Variants in SIL1 observed in about 807,000 individuals in gnomAD.
SIL1 encodes SIL1 nucleotide exchange factor.
A neutral mutation model predicts 49.1 loss-of-function variants in SIL1; 40 were observed. The observed-to-expected ratio is 0.81, with a 90% CI of 0.63 to 1.06. The LOEUF (loss-of-function observed/expected upper bound fraction) is 1.06, where lower values mean the gene tolerates loss of function less well. Among genes scored for constraint, SIL1 ranks in the 50% least tolerant of loss-of-function variants. The pLI, the probability that SIL1 is intolerant of heterozygous loss-of-function variation, is 0.00. For synonymous variants in SIL1, 253 were observed against 250.8 expected (o/e 1.01, Z -0.08); for missense variants, 500 against 572.6 (o/e 0.87, Z 1.29).
intron 4 of SIL1, among the ~76,000 whole-genome samples, chr5:139,046,388 AC>A (rs1389667378): frequency 2.6e-5 from 4 of 152,166 alleles, no homozygotes; most frequent in African/African-American, 9.7e-5. Flanking sequence ...TGAAGAACAT[AC>A]AAAATCTTCC....
At chr5:139,086,686 C>T (rs908765106) in intron 3 of SIL1, among the ~76,000 whole-genome samples, 31 of 151,036 alleles carry the variant, frequency 2.1e-4, no homozygotes, top group African/African-American at 5.6e-4. Context: ...AATTATTGGC[C>T]GGGCATGGTG....
intron 1 of SIL1, among the ~76,000 whole-genome samples, chr5:139,153,722 T>A (rs2151807088): frequency 6.6e-6 from 1 of 152,324 alleles, no homozygotes; most frequent in Non-Finnish European, 1.5e-5. Flanking sequence ...CAAAGGTGAC[T>A]ATGCTCCCCC....
rs1163442993 is a variant in SIL1 at position 139,042,719 on chromosome 5, C to T, written c.354G>A (p.Arg118=). 2 of 1,613,888 alleles carry T rather than the reference C, an allele frequency of 1.2e-6. No homozygotes were observed. Among genetic ancestry groups the T allele is most frequent in the South Asian group, 2.2e-5 (2 of 91,058 alleles). ...DKFRNNLKGK[R]LDINTNTYTS... ...TGTAGGTGTTGGTGTTGATATCCAG[C>T]CTGTCCAAAGAAAACTGAGAGTAAA... The change falls in exon 5 of 10, where the codon AGG becomes AGA. Residue 118 remains arginine, a splice_region_variant and synonymous_variant. Transcript: ENST00000394817.
At chr5:139,188,686 G>T (rs1752117223) in intron 1 of SIL1, among the ~76,000 whole-genome samples, 1 of 152,232 alleles carries the variant, frequency 6.6e-6, no homozygotes, top group African/African-American at 2.4e-5. Context: ...CAAATCAGAG[G>T]AAAGCAGTGA....
intron 7 of SIL1, among the ~76,000 whole-genome samples, chr5:138,965,854 T>C (rs1335615408): frequency 6.6e-6 from 1 of 151,678 alleles, no homozygotes; most frequent in African/African-American, 2.4e-5. Context: ...TCCGGGACCA[T>C]GAGAGTGCTT....
intron 3 of SIL1, among the ~76,000 whole-genome samples, chr5:139,117,715 A>G (rs1283436769): frequency 1.3e-5 from 2 of 152,182 alleles, no homozygotes; most frequent in African/African-American, 4.8e-5. Flanking sequence ...ATAAACCAGA[A>G]GAAAGAGACA....
At chr5:138,986,538 G>A (rs1767652736) in intron 7 of SIL1, among the ~76,000 whole-genome samples, 1 of 152,112 alleles carries the variant, frequency 6.6e-6, no homozygotes, top group African/African-American at 2.4e-5. Flanking sequence ...ATAAATCTGG[G>A]TTATTGTGAC....
At chr5:138,975,394 G>A (rs566990139) in intron 7 of SIL1, among the ~76,000 whole-genome samples, 26 of 152,314 alleles carry the variant, frequency 1.7e-4, no homozygotes, top group Admixed American at 3.9e-4. Flanking sequence ...GCACCGTGAG[G>A]CCAGAGCATG....
intron 1 of SIL1, among the ~76,000 whole-genome samples, chr5:139,138,589 G>A (rs904511492): frequency 1.3e-5 from 2 of 152,180 alleles, no homozygotes; most frequent in Non-Finnish European, 2.9e-5. Flanking sequence ...CCTACTAGCT[G>A]TGTGACTTTG....
chr5:139,021,974 A>G (rs759002448), intron 6 of SIL1: 1 of 156,628 alleles, frequency 6.4e-6, no homozygotes, highest in Non-Finnish European at 1.4e-5. Context: ...GTTCTATTCA[A>G]CAGCATTGGT....
At chr5:139,155,821 T>A (rs140808839) in intron 1 of SIL1, among the ~76,000 whole-genome samples, 1 of 150,028 alleles carries the variant, frequency 6.7e-6, no homozygotes, top group African/African-American at 2.4e-5. Context: ...GAGGGGGAAC[T>A]GTCCCAGGTC....
At chr5:139,046,693 C>A (rs372584565) in intron 4 of SIL1, among the ~76,000 whole-genome samples, 3 of 152,146 alleles carry the variant, frequency 2.0e-5, no homozygotes, top group Non-Finnish European at 4.4e-5. Context: ...GTGGTAAAAC[C>A]TTGCTCCCCA....
At chr5:139,191,030 A>G (rs1752157116) in intron 1 of SIL1, among the ~76,000 whole-genome samples, 1 of 151,890 alleles carries the variant, frequency 6.6e-6, no homozygotes, top group African/African-American at 2.4e-5. Flanking sequence ...TCAGGAGTTC[A>G]AGACCAGCCT....
In SIL1 at chr5:139,040,484, C is replaced by CTTTTTTTT. The variant is rs140792595; in HGVS notation, c.453+2135_453+2136insAAAAAAAA. Among the ~76,000 whole-genome samples the CTTTTTTTT allele has an allele frequency of 1.0e-3, 90 of 89,408 alleles. 15 individuals carry two copies. The highest frequency in any genetic ancestry group is 1.1e-3 in the African/African-American group (22 of 19,516). 58.7% of individuals were successfully genotyped at this position (89,408 alleles called of 152,430 possible). A position where few individuals can be genotyped will look rare whatever the true frequency, so the allele number is the denominator to read the frequency against. On this transcript the variant is annotated intron_variant, in intron 5 of 9. Coordinates refer to ENST00000394817, the MANE Select transcript of SIL1 (RefSeq NM_022464.5). ...TTGCAAGGGGAGAGGAGTATTTTTT[C>CTTTTTTTT]TTTTTTCTTTTTTCTTTTTTTTTTT... is the stretch of plus-strand genomic sequence containing the variant.
At chr5:139,086,069 C>T (rs547673065) in intron 3 of SIL1, among the ~76,000 whole-genome samples, 1 of 150,758 alleles carries the variant, frequency 6.6e-6, no homozygotes, top group African/African-American at 2.4e-5. Context: ...TTGAGACCAA[C>T]TGCTCTCCTG....
chr5:139,044,844 G>A (rs1366135223), intron 4 of SIL1, among the ~76,000 whole-genome samples: 1 of 152,132 alleles, frequency 6.6e-6, no homozygotes, highest in East Asian at 1.9e-4. Context: ...CTCACTCAGA[G>A]TAACACTTTA....
chr5:139,021,220 G>A lies in SIL1; in HGVS notation c.718C>T (p.Pro240Ser). Residue 240 changes from proline to serine, a missense_variant, in exon 7 of 10, where the codon CCC (proline) becomes TCC (serine). Pro to Ser is a moderately conservative substitution (Grantham distance 74, BLOSUM62 -1). Transcript: ENST00000394817. Reference protein sequence around the residue: ...VVINGLNSTEPLVKEYAAFVL... With the variant: ...VVINGLNSTESLVKEYAAFVL... ...AACGCAGCATACTCCTTCACGAGGGGCTCTGTGCTGTTCAGCCCATTGATC... is the reference window on the plus strand; with the variant it reads ...AACGCAGCATACTCCTTCACGAGGGACTCTGTGCTGTTCAGCCCATTGATC... 1 of 1,614,132 alleles carries A rather than the reference G, an allele frequency of 6.2e-7. No individual in the cohort carries two copies. Among genetic ancestry groups the A allele is most frequent in the South Asian group, 1.1e-5 (1 of 91,076 alleles).
At chr5:138,996,834 T>C (rs920435619) in intron 7 of SIL1, among the ~76,000 whole-genome samples, 1 of 152,128 alleles carries the variant, frequency 6.6e-6, no homozygotes, top group Non-Finnish European at 1.5e-5. Flanking sequence ...GATTTTTAGC[T>C]TGATGTAATC....
chr5:139,156,725 G>A (rs1751413846), intron 1 of SIL1, among the ~76,000 whole-genome samples: 1 of 152,214 alleles, frequency 6.6e-6, no homozygotes, highest in Admixed American at 6.5e-5. Flanking sequence ...CCAGAAGCTA[G>A]AAGCAGCAAG....
Sources: gnomAD v4.1 joint callset for allele counts (sites outside exome capture counted in the v4.1 genomes callset) on GRCh38, gnomAD v4.1.1 for gene constraint, MANE v1.5 for transcripts, NCBI Gene and HGNC (gene_info 2026-07-23, HGNC 2026-07-21) for gene names.